Variants in LOC122539214 observed in about 807,000 individuals in gnomAD.
the LOC122539214 span, among the ~76,000 whole-genome samples, chr19:52,682,663 A>C: frequency 6.6e-6 from 1 of 150,752 alleles, no homozygotes; most frequent in Non-Finnish European, 1.5e-5. Flanking sequence ...GCGAGACTCC[A>C]TCTCAAAAAA....
chr19:52,687,631 ATGT>A, the LOC122539214 span, among the ~76,000 whole-genome samples: 2 of 10,726 alleles, frequency 1.9e-4, no homozygotes, highest in African/African-American at 7.8e-4. Flanking sequence ...TATATATATA[ATGT>A]ATATATATAT....
the LOC122539214 span, among the ~76,000 whole-genome samples, chr19:52,683,365 G>A: frequency 3.3e-5 from 5 of 152,114 alleles, no homozygotes; most frequent in African/African-American, 7.2e-5. Context: ...CCCTCGGGCT[G>A]CAGTTCACTG....
At chr19:52,681,745 T>C in the LOC122539214 span, among the ~76,000 whole-genome samples, 2 of 152,340 alleles carry the variant, frequency 1.3e-5, no homozygotes, top group South Asian at 4.1e-4. Flanking sequence ...CAGGTTTATC[T>C]AATGGAGAGA....
chr19:52,656,846 C>T, the LOC122539214 span, among the ~76,000 whole-genome samples: 1 of 138,982 alleles, frequency 7.2e-6, no homozygotes, highest in African/African-American at 2.7e-5. Context: ...AGCCTATCGA[C>T]AGAGCGAGAC....
chr19:52,679,455 A>G, the LOC122539214 span, among the ~76,000 whole-genome samples: 4 of 152,260 alleles, frequency 2.6e-5, no homozygotes, highest in South Asian at 8.3e-4. Flanking sequence ...TACTAAAAAT[A>G]CAAAAACTGG....
At chr19:52,656,921 A>G in the LOC122539214 span, among the ~76,000 whole-genome samples, 10 of 151,834 alleles carry the variant, frequency 6.6e-5, no homozygotes, top group Non-Finnish European at 4.4e-5. Context: ...TCCTGGACAC[A>G]TTGCAAATCA....
chr19:52,650,492 G>A, the LOC122539214 span: 1 of 152,140 alleles, frequency 6.6e-6, no homozygotes, highest in Non-Finnish European at 1.5e-5. Context: ...CTCGACCTCA[G>A]GTGATCCGCC....
At chr19:52,681,177 C>G in the LOC122539214 span, among the ~76,000 whole-genome samples, 1 of 146,062 alleles carries the variant, frequency 6.8e-6, no homozygotes, top group African/African-American at 2.5e-5. Context: ...CCCAGCTACA[C>G]AGGAAGCTGA....
the LOC122539214 span, among the ~76,000 whole-genome samples, chr19:52,676,535 C>T: frequency 2.6e-5 from 4 of 151,758 alleles, no homozygotes; most frequent in East Asian, 7.8e-4. Flanking sequence ...GCCGCCCCGT[C>T]TGGGAGGGAG....
the LOC122539214 span, among the ~76,000 whole-genome samples, chr19:52,663,178 A>G: frequency 6.6e-6 from 1 of 152,232 alleles, no homozygotes; most frequent in East Asian, 1.9e-4. Flanking sequence ...AGGAAAAAAA[A>G]AATTCCAGGA....
At chr19:52,652,957 T>A in the LOC122539214 span, 11 of 1,274,200 alleles carry the variant, frequency 8.6e-6, no homozygotes, top group Middle Eastern at 1.9e-4. Flanking sequence ...ACTGAAGGTC[T>A]TGCCACACTC....
chr19:52,671,753 T>G, the LOC122539214 span, among the ~76,000 whole-genome samples: 2 of 152,164 alleles, frequency 1.3e-5, no homozygotes, highest in African/African-American at 4.8e-5. Context: ...TTGCAATCTA[T>G]TTTAGGTGTT....
chr19:52,669,974 A>G, the LOC122539214 span, among the ~76,000 whole-genome samples: 2 of 152,250 alleles, frequency 1.3e-5, no homozygotes, highest in Non-Finnish European at 2.9e-5. Flanking sequence ...AGAGAAGGGA[A>G]TGTTAGATAT....
the LOC122539214 span, among the ~76,000 whole-genome samples, chr19:52,669,411 C>A: frequency 6.6e-6 from 1 of 152,232 alleles, no homozygotes; most frequent in Non-Finnish European, 1.5e-5. Flanking sequence ...CTATGACAAC[C>A]AACAGCTATC....
the LOC122539214 span, among the ~76,000 whole-genome samples, chr19:52,662,908 A>C: frequency 6.6e-6 from 1 of 152,138 alleles, no homozygotes; most frequent in Non-Finnish European, 1.5e-5. Context: ...CATGCCTGTA[A>C]TCCCAGCACT....
chr19:52,664,765 G>T, the LOC122539214 span, among the ~76,000 whole-genome samples: 1 of 151,604 alleles, frequency 6.6e-6, no homozygotes, highest in Non-Finnish European at 1.5e-5. Flanking sequence ...GGGGGGTGAG[G>T]GGGGAAGAGG....
the LOC122539214 span, among the ~76,000 whole-genome samples, chr19:52,683,929 A>G: frequency 6.6e-6 from 1 of 152,134 alleles, no homozygotes; most frequent in Admixed American, 6.6e-5. Context: ...CACACAAAGT[A>G]ATCCATGCAG....
At chr19:52,675,200 G>A in the LOC122539214 span, among the ~76,000 whole-genome samples, 1 of 152,154 alleles carries the variant, frequency 6.6e-6, no homozygotes, top group African/African-American at 2.4e-5. Flanking sequence ...AAACCTGGGG[G>A]CAAATTAACA....
chr19:52,657,519 C>A, the LOC122539214 span, among the ~76,000 whole-genome samples: 1 of 151,258 alleles, frequency 6.6e-6, no homozygotes. Context: ...CAGAGTGAGA[C>A]TGTCTCAAAA....
Sources: gnomAD v4.1 joint callset for allele counts (sites outside exome capture counted in the v4.1 genomes callset) on GRCh38, gnomAD v4.1.1 for gene constraint, MANE v1.5 for transcripts.